SLC43A3: variants seen among roughly 807,000 people sequenced by gnomAD.
SLC43A3 encodes the protein equilibrative nucleobase transporter 1.
In SLC43A3, 33 loss-of-function variants were observed where a neutral mutation model predicts 53.3. The observed-to-expected ratio is 0.62, with a 90% CI of 0.47 to 0.83. The LOEUF is 0.83. Ranked by LOEUF, SLC43A3 falls within the 40% of genes least tolerant of loss-of-function variation. The pLI, the probability that SLC43A3 is intolerant of heterozygous loss-of-function variation, is 0.00. For synonymous variants in SLC43A3, 236 were observed against 246.2 expected, an observed-to-expected ratio of 0.96 and a Z score of 0.39; for missense variants, 530 against 610.0, an observed-to-expected ratio of 0.87 and a Z score of 1.38.
Position 57,407,604 on chromosome 11 carries a change from C to G in SLC43A3, c.*188G>C. ...CCTTTGCTTTGAGTCTGTGTGATAT[C>G]AATCTGCTTGGCAACTGAGATTCTT... On this transcript the variant is annotated 3_prime_UTR_variant, in exon 14 of 14. Transcript: ENST00000395124. 5.4e-6 allele frequency: 3 copies of G among 559,606 alleles called. No individual in the cohort carries two copies. The highest frequency in any genetic ancestry group is 4.4e-5 in the South Asian group (2 of 45,742). The allele number at this position is 559,606 out of a possible 1,614,324, so 34.7% of individuals were successfully genotyped here.
intron 11 of SLC43A3, among the ~76,000 whole-genome samples, chr11:57,413,777 G>T (rs1035446384): frequency 2.0e-5 from 3 of 152,012 alleles, no homozygotes; most frequent in Admixed American, 1.3e-4. Flanking sequence ...AGTGCTCTGT[G>T]CCCTAGCCAG....
intron 3 of SLC43A3, 130 bp downstream of exon 3, chr11:57,425,859 G>C: frequency 7.5e-7 from 1 of 1,330,898 alleles, no homozygotes; most frequent in Middle Eastern, 2.6e-4. Context: ...CAGATCAAGT[G>C]GGGTGAGAGC....
At chr11:57,414,371 G>A (rs1188673983) in intron 11 of SLC43A3, among the ~76,000 whole-genome samples, 1 of 152,088 alleles carries the variant, frequency 6.6e-6, no homozygotes, top group Non-Finnish European at 1.5e-5. Flanking sequence ...GTGGGGGATG[G>A]TGGCACACGC....
At chr11:57,413,254 T>C (rs753347229) in intron 11 of SLC43A3, among the ~76,000 whole-genome samples, 5 of 152,106 alleles carry the variant, frequency 3.3e-5, no homozygotes, top group Non-Finnish European at 5.9e-5. Flanking sequence ...TTCTAGATTT[T>C]AAAAGCTATA....
chr11:57,407,967 G>C, intron 13 of SLC43A3, 71 bp from the exon 14 acceptor site: 1 of 1,004,404 alleles, frequency 1.0e-6, no homozygotes, highest in Non-Finnish European at 1.6e-6. Context: ...AATGAAGCAA[G>C]CACTGGTCCA....
At chr11:57,419,592 G>A (rs1400151436) in intron 7 of SLC43A3, among the ~76,000 whole-genome samples, 1 of 152,100 alleles carries the variant, frequency 6.6e-6, no homozygotes. Flanking sequence ...GAGGTCAAGA[G>A]TTCAAGACCA....
intron 11 of SLC43A3, among the ~76,000 whole-genome samples, chr11:57,410,522 G>A (rs1442863306): frequency 6.6e-6 from 1 of 151,926 alleles, no homozygotes; most frequent in Non-Finnish European, 1.5e-5. Flanking sequence ...ATAGTCATCA[G>A]TACAGGAATG....
rs943174705 is a variant in SLC43A3 at position 57,426,312 on chromosome 11, C to T, written c.-140G>A. ...CTTTCCCGTAGCTCTCTGGTTGTTT[C>T]AGGCCTGGGCAAAAACCATCAGCGG... On this transcript the variant is annotated 5_prime_UTR_variant, in exon 3 of 14. It removes the in-frame stop codon of an upstream open reading frame in the 5' UTR. Transcript: ENST00000395124. The T allele has an allele frequency of 5.5e-6, 4 of 731,890 alleles. No homozygotes were observed. In the Admixed American group the frequency reaches 1.2e-4, roughly 21 times the overall value. 45.3% of individuals were successfully genotyped at this position (731,890 alleles called of 1,614,324 possible).
At position 57,407,845 on chromosome 11, in the gene SLC43A3, GA is replaced by G. The variant is rs757729265; in HGVS notation, c.1422del (p.Leu475TrpfsTer144). 14 of 1,613,860 alleles carry G rather than the reference GA, an allele frequency of 8.7e-6. No individual in the cohort carries two copies. In the South Asian group the frequency reaches 1.5e-4, roughly 18 times the overall value. On this transcript the variant is annotated frameshift_variant, in exon 14 of 14. Coordinates refer to ENST00000395124, the MANE Select transcript of SLC43A3 (RefSeq NM_199329.3). LOFTEE classifies it low-confidence loss of function (END_TRUNC). ...CAAGTACGGCATTCCCGATATACCA[GA>G]AAGGGGTGGAAGAATGTCAGAAGAA... Reference protein sequence around the residue: ...LAILLTFFHPFLVYRECRTWK... With the variant: ...LAILLTFFHPXLVYRECRTWK...
intron 9 of SLC43A3, 82 bp from the exon 10 acceptor site, chr11:57,415,188 C>A (rs944066199): frequency 6.3e-7 from 1 of 1,575,822 alleles, no homozygotes; most frequent in Non-Finnish European, 8.6e-7. Flanking sequence ...TTCAATGGAA[C>A]ATTTCAGATC....
intron 11 of SLC43A3, among the ~76,000 whole-genome samples, chr11:57,410,686 A>G (rs1942412628): frequency 6.6e-6 from 1 of 152,022 alleles, no homozygotes; most frequent in African/African-American, 2.4e-5. Context: ...CCTTTTATCT[A>G]AAAGAGAGGG....
At position 57,409,299 on chromosome 11, in the gene SLC43A3, C is replaced by T. The variant is rs1229097832; in HGVS notation, c.1248-1G>A. ...CTTGCCAAAGTGCTCTGAAGGGAAACTGGGGAGAGAAACCAGAGGGGTTCC... is the reference window on the plus strand; with the variant it reads ...CTTGCCAAAGTGCTCTGAAGGGAAATTGGGGAGAGAAACCAGAGGGGTTCC... On this transcript the variant is annotated splice_acceptor_variant, in intron 12 of 13. Coordinates refer to ENST00000395124, the MANE Select transcript of SLC43A3 (RefSeq NM_199329.3). LOFTEE classifies it high-confidence loss of function. 6.2e-7 allele frequency: 1 copy of T among 1,614,030 alleles called. No individual in the cohort carries two copies. Among genetic ancestry groups the T allele is most frequent in the African/African-American group, 1.3e-5 (1 of 74,932 alleles).
At chr11:57,424,396 A>T (rs957114880) in intron 4 of SLC43A3, among the ~76,000 whole-genome samples, 1 of 152,208 alleles carries the variant, frequency 6.6e-6, no homozygotes, top group African/African-American at 2.4e-5. Context: ...CCCTTGGAGA[A>T]AGGGGTTAGT....
At chr11:57,424,110 C>T in intron 4 of SLC43A3, 82 bp from the exon 5 acceptor site, 1 of 1,394,586 alleles carries the variant, frequency 7.2e-7, no homozygotes, top group Non-Finnish European at 1.0e-6. Context: ...CTCAGCCAGC[C>T]CACAAGTGTA....
At chr11:57,414,854 G>T in intron 10 of SLC43A3, 79 bp downstream of exon 10, 1 of 1,561,546 alleles carries the variant, frequency 6.4e-7, no homozygotes. Flanking sequence ...CCCTCCTCTG[G>T]TGTGTACAGC....
chr11:57,419,800 A>AT (rs1233704007), intron 7 of SLC43A3, among the ~76,000 whole-genome samples: 5 of 36,024 alleles, frequency 1.4e-4, no homozygotes, highest in Non-Finnish European at 2.8e-4. Flanking sequence ...CAACTCAATA[A>AT]TAAAAAAAAA....
At chr11:57,411,079 C>T (rs1942436407) in intron 11 of SLC43A3, among the ~76,000 whole-genome samples, 1 of 151,820 alleles carries the variant, frequency 6.6e-6, no homozygotes, top group African/African-American at 2.4e-5. Flanking sequence ...TACACCTACA[C>T]AATGTTTATA....
chr11:57,419,126 G>A (rs908120397), intron 7 of SLC43A3, among the ~76,000 whole-genome samples: 1 of 152,036 alleles, frequency 6.6e-6, no homozygotes, highest in Non-Finnish European at 1.5e-5. Context: ...ACAGCCGGTG[G>A]AGCCTCCTCG....
At chr11:57,420,921 G>A (rs777009996) in intron 7 of SLC43A3, 51 bp downstream of exon 7, 2 of 1,219,910 alleles carry the variant, frequency 1.6e-6, no homozygotes, top group Middle Eastern at 1.9e-4. Flanking sequence ...CACAAGACAA[G>A]TGTCTGGCAT....
Sources: gnomAD v4.1 joint callset for allele counts (sites outside exome capture counted in the v4.1 genomes callset) on GRCh38, gnomAD v4.1.1 for gene constraint, MANE v1.5 for transcripts, NCBI Gene and HGNC (gene_info 2026-07-23, HGNC 2026-07-21) for gene names.